Variants in SAMD4B observed in about 807,000 individuals in gnomAD.
SAMD4B encodes sterile alpha motif domain containing 4B, also known as protein Smaug homolog 2.
A neutral mutation model predicts 74.5 loss-of-function variants in SAMD4B; 5 were observed. That is an observed-to-expected ratio of 0.07 (90% CI 0.04 to 0.14). SAMD4B has a LOEUF of 0.14. SAMD4B is among the 10% of genes least tolerant of loss of function. The pLI is 1.00. For synonymous variants in SAMD4B, 373 were observed against 374.9 expected (o/e 1.00, Z 0.06); for missense variants, 608 against 921.8 (o/e 0.66, Z 4.41).
At chr19:39,360,828 A>G (rs775611933) in intron 3 of SAMD4B, among the ~76,000 whole-genome samples, 7 of 152,148 alleles carry the variant, frequency 4.6e-5, no homozygotes, top group African/African-American at 7.2e-5. Flanking sequence ...GACTGTTACA[A>G]TCCAGATTTC....
chr19:39,378,215 C>T lies in SAMD4B; in HGVS notation c.1445-289C>T, dbSNP rs2077719985. 6.6e-6 allele frequency among the ~76,000 whole-genome samples: 1 copy of T among 152,162 alleles called. No individual in the cohort carries two copies. The highest frequency in any genetic ancestry group is 2.4e-5 in the African/African-American group (1 of 41,432). On this transcript the variant is annotated intron_variant, in intron 8 of 13. Transcript: ENST00000610417. The surrounding 1 kb of genome is among the most constrained non-coding windows in gnomAD (Gnocchi z 4.4). ...TCCTAAAGCAGCATGATACAGCAGA[C>T]TTTACACTTGGATCCAGATCAGTCT...
chr19:39,363,453 G>A (rs1231010837), intron 3 of SAMD4B, among the ~76,000 whole-genome samples: 1 of 152,152 alleles, frequency 6.6e-6, no homozygotes, highest in Non-Finnish European at 1.5e-5. Context: ...GAATCTTAAG[G>A]GGAAGGCCCA....
At chr19:39,379,034 C>T (rs2077779699) in intron 9 of SAMD4B, among the ~76,000 whole-genome samples, 1 of 151,638 alleles carries the variant, frequency 6.6e-6, no homozygotes, top group Non-Finnish European at 1.5e-5. Flanking sequence ...AACCCTTGTA[C>T]ACACTCTTCC....
downstream of SAMD4B, chr19:39,388,305 A>C (rs987433852): frequency 6.2e-7 from 1 of 1,612,980 alleles, no homozygotes; most frequent in African/African-American, 1.3e-5. Context: ...AGAAGCACAG[A>C]TCCAGGCTAA....
At chr19:39,371,741 C>CAGG (rs1345572572) in intron 4 of SAMD4B, among the ~76,000 whole-genome samples, 1 of 151,454 alleles carries the variant, frequency 6.6e-6, no homozygotes, top group East Asian at 1.9e-4. Flanking sequence ...CGCTTGAACC[C>CAGG]AGGAGGTGGA....
intron 1 of SAMD4B, among the ~76,000 whole-genome samples, chr19:39,348,806 G>C (rs2075849096): frequency 6.6e-6 from 1 of 152,190 alleles, no homozygotes; most frequent in Non-Finnish European, 1.5e-5. Context: ...ATGTGGTGGT[G>C]GTGGTGGTAG....
rs2077606276 is a variant in SAMD4B, at chr19:39,376,482, C to T, written c.953C>T (p.Ala318Val). ...AGCCTCCGTTTGCACAAGTATGCAG[C>T]CCTCTTCTCACAGATGAGCTACGAG... ...LKSLRLHKYA[A>V]LFSQMSYEEM... Residue 318 changes from alanine to valine, a missense_variant, in exon 6 of 14, where the codon GCC (alanine) becomes GTC (valine). Ala to Val is a moderately conservative substitution (Grantham distance 64, BLOSUM62 0). Coordinates refer to ENST00000610417, the MANE Select transcript of SAMD4B (RefSeq NM_001384574.2). 1 of 1,613,496 alleles carries T rather than the reference C, an allele frequency of 6.2e-7. No homozygotes were observed. The highest frequency in any genetic ancestry group is 8.5e-7 in the Non-Finnish European group (1 of 1,180,014).
chr19:39,370,987 A>G (rs569045396), intron 4 of SAMD4B, among the ~76,000 whole-genome samples: 6 of 152,342 alleles, frequency 3.9e-5, no homozygotes, highest in African/African-American at 1.4e-4. Context: ...TGTCCTGCCA[A>G]CTAAGCAGGT....
chr19:39,353,593 G>T (rs2076176109), intron 1 of SAMD4B, among the ~76,000 whole-genome samples: 2 of 151,924 alleles, frequency 1.3e-5, no homozygotes, highest in Admixed American at 6.6e-5. Flanking sequence ...ATATAGCTTT[G>T]TTTTTTTGTT....
downstream of SAMD4B, chr19:39,385,750 C>T: frequency 3.3e-6 from 2 of 599,534 alleles, no homozygotes; most frequent in Non-Finnish European, 5.8e-6. Flanking sequence ...GGCCCTGCCT[C>T]TGGCCTGTGT....
chr19:39,357,295 T>A (rs2076388611), intron 3 of SAMD4B, among the ~76,000 whole-genome samples: 2 of 152,108 alleles, frequency 1.3e-5, no homozygotes, highest in African/African-American at 4.8e-5. Context: ...ATGGTGGACT[T>A]ATGGGAGAAG....
intron 12 of SAMD4B, 125 bp downstream of exon 12, chr19:39,381,238 C>A: frequency 1.8e-6 from 2 of 1,128,548 alleles, no homozygotes; most frequent in Non-Finnish European, 1.2e-6. Context: ...TACCTCACAC[C>A]ACTCTGCACC....
intron 1 of SAMD4B, among the ~76,000 whole-genome samples, chr19:39,346,605 T>C (rs532489171): frequency 2.0e-4 from 31 of 152,214 alleles, no homozygotes; most frequent in South Asian, 4.1e-4. Context: ...AAACTACCAT[T>C]ATCCTCATTT....
At chr19:39,390,634 G>A (rs1020520947), downstream of SAMD4B, among the ~76,000 whole-genome samples, 21 of 152,176 alleles carry the variant, frequency 1.4e-4, no homozygotes, top group African/African-American at 5.1e-4. Flanking sequence ...GTCTCCAAAA[G>A]CCTAATCCCT....
chr19:39,386,487 C>T, downstream of SAMD4B: 1 of 1,614,150 alleles, frequency 6.2e-7, no homozygotes, highest in Non-Finnish European at 8.5e-7. This position sits in a 1 kb window ranked among gnomAD's most constrained non-coding sequence, Gnocchi z 6.1. Context: ...TTTACCTGAG[C>T]CCCCAGCTTC....
intron 1 of SAMD4B, chr19:39,352,558 T>G (rs535453434): frequency 6.6e-6 from 1 of 151,070 alleles, no homozygotes; most frequent in East Asian, 2.0e-4. Context: ...TAGCAGTTGA[T>G]AAGAGGTGGA....
intron 4 of SAMD4B, among the ~76,000 whole-genome samples, chr19:39,372,410 C>T (rs79057712): frequency 2.8e-3 from 422 of 152,298 alleles, no homozygotes; most frequent in African/African-American, 9.8e-3. Context: ...TCTTTACCCT[C>T]AGACCTCAGT....
intron 3 of SAMD4B, among the ~76,000 whole-genome samples, chr19:39,364,920 T>C (rs183153641): frequency 7.5e-4 from 114 of 152,086 alleles, no homozygotes; most frequent in African/African-American, 2.6e-3. Flanking sequence ...GACTTGGGAT[T>C]GGAGAGATAA....
intron 1 of SAMD4B, among the ~76,000 whole-genome samples, chr19:39,347,094 G>T (rs1163050860): frequency 6.6e-6 from 1 of 152,158 alleles, no homozygotes; most frequent in Non-Finnish European, 1.5e-5. Flanking sequence ...TTTGTTACTG[G>T]AAAGTCCAGA....
Sources: gnomAD v4.1 joint callset for allele counts (sites outside exome capture counted in the v4.1 genomes callset) on GRCh38, gnomAD v4.1.1 for gene constraint, Gnocchi (gnomAD v3.1) non-coding constraint, MANE v1.5 for transcripts, NCBI Gene and HGNC (gene_info 2026-07-23, HGNC 2026-07-21) for gene names.